Variants in MARK1 observed in about 807,000 individuals in gnomAD.
The protein encoded by MARK1 is serine/threonine-protein kinase MARK1.
MARK1 carries 40 observed loss-of-function variants against 96.3 expected under a neutral mutation model. The observed-to-expected ratio is 0.42, with a 90% CI of 0.32 to 0.54. The LOEUF (loss-of-function observed/expected upper bound fraction) is 0.54. Among genes scored for constraint, MARK1 ranks in the 20% least tolerant of loss-of-function variants. MARK1 has a pLI of 0.16. For synonymous variants in MARK1, 317 were observed against 341.2 expected, an observed-to-expected ratio of 0.93 and a Z score of 0.78; for missense variants, 719 against 984.6, an observed-to-expected ratio of 0.73 and a Z score of 3.61.
At chr1:220,657,289 T>C (rs750797800) in intron 16 of MARK1, among the ~76,000 whole-genome samples, 4 of 152,192 alleles carry the variant, frequency 2.6e-5, no homozygotes, top group Non-Finnish European at 5.9e-5. Context: ...TGCTGTGATA[T>C]TTTATCATGT....
rs992593190 is a variant in MARK1, at chr1:220,615,986, T to G, written c.543T>G (p.Arg181=). 1.9e-6 allele frequency: 3 copies of G among 1,540,348 alleles called. No individual in the cohort carries two copies. The highest frequency in any genetic ancestry group is 2.7e-6 in the Non-Finnish European group (3 of 1,122,358). The change falls in exon 7 of 18, where the codon CGT becomes CGG. Residue 181 remains arginine (R), a synonymous_variant. Coordinates refer to ENST00000366917, the MANE Select transcript of MARK1 (RefSeq NM_018650.5). Reference sequence around the variant, plus strand: ...GTCATCAAAAGTACATTGTTCACCGTGATCTTAAGGTAAGCTTCTGAGTGT... The same window carrying G: ...GTCATCAAAAGTACATTGTTCACCGGGATCTTAAGGTAAGCTTCTGAGTGT... The part of the protein sequence containing the change: ...QYCHQKYIVH[R]DLKAENLLLD...
At chr1:220,600,236 A>G (rs1233741365) in intron 5 of MARK1, among the ~76,000 whole-genome samples, 2 of 152,188 alleles carry the variant, frequency 1.3e-5, no homozygotes, top group African/African-American at 2.4e-5. Context: ...CTATAATAAA[A>G]GCTTGTTCTA....
intron 3 of MARK1, among the ~76,000 whole-genome samples, chr1:220,592,265 A>ATATTG (rs1480081751): frequency 1.8e-4 from 26 of 147,868 alleles, no homozygotes; most frequent in African/African-American, 5.4e-4. Flanking sequence ...ATATTATATT[A>ATATTG]TATTATACTA....
intron 16 of MARK1, among the ~76,000 whole-genome samples, chr1:220,655,690 T>C (rs1669131092): frequency 6.6e-6 from 1 of 152,224 alleles, no homozygotes; most frequent in Non-Finnish European, 1.5e-5. Flanking sequence ...CACTTCCTCA[T>C]AGGTCTCCTA....
intron 3 of MARK1, among the ~76,000 whole-genome samples, chr1:220,586,020 T>C (rs11485162): frequency 0.87 from 128,404 of 146,808 alleles, 57,597 homozygotes; most frequent in East Asian, 0.99. Flanking sequence ...CACGCGCGCG[T>C]GCGCAGAGAG....
chr1:220,629,920 A>G (rs1490793348), intron 9 of MARK1, among the ~76,000 whole-genome samples: 1 of 152,182 alleles, frequency 6.6e-6, no homozygotes. Flanking sequence ...AAGTTTCTGA[A>G]TATCTCTTTG....
rs1159513043 is a variant in MARK1, at chr1:220,528,368, G to A, written c.-455G>A. 1 of 156,530 alleles carries A rather than the reference G, an allele frequency of 6.4e-6. No individual in the cohort carries two copies. Among genetic ancestry groups the A allele is most frequent in the Non-Finnish European group, 1.4e-5 (1 of 71,192 alleles). The allele number at this position is 156,530 out of a possible 1,614,324, so 9.7% of individuals were successfully genotyped here. On this transcript the variant is annotated 5_prime_UTR_variant, in exon 1 of 18. Transcript: ENST00000366917. Reference sequence around the variant, plus strand: ...CCGTACACCTGAGGCGGAGAACGGGGCGCGGCGCGGGTGACGCTGTCAGGG... The same window carrying A: ...CCGTACACCTGAGGCGGAGAACGGGACGCGGCGCGGGTGACGCTGTCAGGG...
intron 1 of MARK1, among the ~76,000 whole-genome samples, chr1:220,572,725 T>A (rs1213230593): frequency 6.6e-6 from 1 of 152,212 alleles, no homozygotes; most frequent in Non-Finnish European, 1.5e-5. Flanking sequence ...TGTGTACTGT[T>A]TTGTATTTAC....
chr1:220,551,766 A>G (rs1661878041), intron 1 of MARK1, among the ~76,000 whole-genome samples: 1 of 152,228 alleles, frequency 6.6e-6, no homozygotes, highest in South Asian at 2.1e-4. Context: ...AAAAATATTT[A>G]TAAGTATTAC....
chr1:220,582,061 A>G (rs1259452253), intron 3 of MARK1, among the ~76,000 whole-genome samples: 1 of 152,170 alleles, frequency 6.6e-6, no homozygotes, highest in Non-Finnish European at 1.5e-5. Context: ...ATGTGTGCTT[A>G]CATCTGCTAT....
intron 1 of MARK1, among the ~76,000 whole-genome samples, chr1:220,552,454 C>T (rs1296683990): frequency 2.0e-5 from 3 of 152,104 alleles, no homozygotes; most frequent in Non-Finnish European, 4.4e-5. Context: ...TGCAAGGTGT[C>T]GTTACCCAGC....
intron 1 of MARK1, among the ~76,000 whole-genome samples, chr1:220,558,180 T>TAA (rs1553316629): frequency 1.5e-3 from 212 of 141,056 alleles, no homozygotes; most frequent in African/African-American, 2.9e-3. Flanking sequence ...AATAATAATA[T>TAA]GGGAAATGGC....
intron 3 of MARK1, among the ~76,000 whole-genome samples, chr1:220,585,353 G>A (rs1212968260): frequency 6.6e-6 from 1 of 152,118 alleles, no homozygotes; most frequent in Non-Finnish European, 1.5e-5. Context: ...TGAGGGAAAG[G>A]TGTTTAAACA....
At chr1:220,650,548 C>A in intron 13 of MARK1, 72 bp from the exon 14 acceptor site, 1 of 966,190 alleles carries the variant, frequency 1.0e-6, no homozygotes, top group Non-Finnish European at 1.6e-6. Flanking sequence ...TCAAAGTCAG[C>A]TTAAATACAT....
At position 220,618,909 on chromosome 1, in the gene MARK1, C is replaced by T. The variant is rs903084774; in HGVS notation, c.909+154C>T. On this transcript the variant is annotated intron_variant, in intron 9 of 17. Coordinates refer to ENST00000366917, the MANE Select transcript of MARK1 (RefSeq NM_018650.5). This position sits in a 1 kb window ranked among gnomAD's most constrained non-coding sequence, Gnocchi z 4.6. ...TAGGGAAAATTACATGACTTTTTTT[C>T]ACTTTCAAAAGTTGCCACAGTAGCT... Among the ~76,000 whole-genome samples the T allele has an allele frequency of 3.3e-5, 5 of 152,024 alleles. No individual in the cohort carries two copies. The highest frequency in any genetic ancestry group is 2.6e-4 in the Admixed American group (4 of 15,274).
rs536643466 is a variant in MARK1 at position 220,619,792 on chromosome 1, A to C, written c.909+1037A>C. 2.0e-5 allele frequency among the ~76,000 whole-genome samples: 3 copies of C among 152,230 alleles called. No individual in the cohort carries two copies. In the East Asian group the frequency reaches 5.8e-4, roughly 29 times the overall value. ...AAGAATGATATTTTAGCCTTTACTA[A>C]GATAATTTCAGAGATTCAGCATGCA... On this transcript the variant is annotated intron_variant, in intron 9 of 17. Transcript: ENST00000366917.
chr1:220,545,618 C>T (rs1661440818), intron 1 of MARK1, among the ~76,000 whole-genome samples: 1 of 151,424 alleles, frequency 6.6e-6, no homozygotes, highest in Non-Finnish European at 1.5e-5. Flanking sequence ...TGTATTTTTT[C>T]GTAGAAATGG....
chr1:220,590,498 C>T (rs901989527), intron 3 of MARK1, among the ~76,000 whole-genome samples: 3 of 152,166 alleles, frequency 2.0e-5, no homozygotes, highest in African/African-American at 7.2e-5. Flanking sequence ...GAACCCCACT[C>T]TTCTGACCTT....
chr1:220,626,812 T>G (rs1331607441), intron 9 of MARK1: 4 of 340,628 alleles, frequency 1.2e-5, no homozygotes, highest in Non-Finnish European at 2.2e-5. Context: ...TGAGTGAGAC[T>G]CCATCTCAAA....
Sources: allele counts gnomAD v4.1 joint callset (sites outside exome capture counted in the v4.1 genomes callset), GRCh38; gene constraint gnomAD v4.1.1; non-coding constraint Gnocchi (gnomAD v3.1); transcripts MANE v1.5; gene names NCBI Gene and HGNC (gene_info 2026-07-23, HGNC 2026-07-21).